The following DOCK8 variants were observed in gnomAD, a reference collection of about 807,000 sequenced individuals.
The protein encoded by DOCK8 is dedicator of cytokinesis protein 8.
In DOCK8, 141 loss-of-function variants were observed where a neutral mutation model predicts 245.6. The ratio of observed to expected loss-of-function variants is 0.57; its 90% CI spans 0.50 to 0.66. DOCK8 has a LOEUF of 0.66. Among genes scored for constraint, DOCK8 ranks in the 30% least tolerant of loss-of-function variants. The pLI, the probability that DOCK8 is intolerant of heterozygous loss-of-function variation, is 0.00. For synonymous variants in DOCK8, 1,168 were observed against 970.2 expected, an observed-to-expected ratio of 1.20 and a Z score of -3.79; for missense variants, 2,965 against 2,603.4, an observed-to-expected ratio of 1.14 and a Z score of -3.02.
At chr9:215,411 T>C (rs2046726451) in intron 1 of DOCK8, 1 of 1,532,262 alleles carries the variant, frequency 6.5e-7, no homozygotes, top group Non-Finnish European at 8.8e-7. Flanking sequence ...GGCTCCTTCC[T>C]TTGAGGCAAG....
intron 6 of DOCK8, 105 bp from the exon 7 acceptor site, chr9:316,938 G>A (rs1298090201): frequency 7.7e-6 from 7 of 909,324 alleles, no homozygotes; most frequent in Non-Finnish European, 9.1e-6. Context: ...GCAAATCTAA[G>A]TTAACTTGAG....
chr9:340,017 G>A (rs757087583), intron 13 of DOCK8, 142 bp from the exon 14 acceptor site: 1 of 821,732 alleles, frequency 1.2e-6, no homozygotes, highest in Non-Finnish European at 1.9e-6. Flanking sequence ...TTCTCAAGCT[G>A]TAGGAAATTA....
chr9:286,723 C>T, intron 3 of DOCK8, 87 bp downstream of exon 3: 1 of 1,273,438 alleles, frequency 7.9e-7, no homozygotes, highest in South Asian at 1.2e-5. Context: ...TCAATCTGAA[C>T]TTAAAAATAA....
At chr9:458,934 T>C (rs1373056038) in intron 46 of DOCK8, among the ~76,000 whole-genome samples, 1 of 152,188 alleles carries the variant, frequency 6.6e-6, no homozygotes, top group Non-Finnish European at 1.5e-5. Flanking sequence ...AAGCCAGGAA[T>C]CCTTTTCTGG....
intron 33 of DOCK8, among the ~76,000 whole-genome samples, chr9:425,748 C>T (rs1209293929): frequency 6.8e-6 from 1 of 146,908 alleles, no homozygotes; most frequent in Non-Finnish European, 1.5e-5. Flanking sequence ...TAGAGCAAGA[C>T]CCTGTCTCTA....
intron 26 of DOCK8, among the ~76,000 whole-genome samples, chr9:401,830 A>G (rs934619012): frequency 2.0e-5 from 3 of 152,168 alleles, no homozygotes; most frequent in Non-Finnish European, 4.4e-5. Flanking sequence ...ACGCAGTCTC[A>G]TCTAAGGGAA....
At chr9:325,354 C>T (rs1249953540) in intron 7 of DOCK8, among the ~76,000 whole-genome samples, 1 of 152,110 alleles carries the variant, frequency 6.6e-6, no homozygotes, top group Non-Finnish European at 1.5e-5. Flanking sequence ...ACAGTAGTTA[C>T]AATAAGAAGG....
At chr9:267,920 CCA>C (rs1232076464) in intron 1 of DOCK8, 1 of 152,050 alleles carries the variant, frequency 6.6e-6, no homozygotes, top group Non-Finnish European at 1.5e-5. Context: ...TGTATATTTC[CCA>C]AAGCGAGATA....
Position 422,155 on chromosome 9 carries a change from T to A in DOCK8, c.4241+20T>A, listed in dbSNP as rs777939854. The A allele has an allele frequency of 1.3e-4, 216 of 1,609,022 alleles. No homozygotes were observed. Among genetic ancestry groups the A allele is most frequent in the Non-Finnish European group, 1.7e-4 (203 of 1,175,556 alleles). ...AGATAAGTGAGTCACTCGGCAACTTTCTGCTACTTTTACCTAAAGTCCAAA... is the reference window on the plus strand; with the variant it reads ...AGATAAGTGAGTCACTCGGCAACTTACTGCTACTTTTACCTAAAGTCCAAA... On this transcript the variant is annotated intron_variant, in intron 33 of 47. Coordinates refer to ENST00000432829, the MANE Select transcript of DOCK8 (RefSeq NM_203447.4).
In DOCK8 at chr9:386,311, C is replaced by A. The variant is rs748695965; in HGVS notation, c.2779-20C>A. The A allele has an allele frequency of 1.5e-5, 24 of 1,608,678 alleles. No homozygotes were observed. Among genetic ancestry groups the A allele is most frequent in the Non-Finnish European group, 2.0e-5 (23 of 1,175,550 alleles). On this transcript the variant is annotated intron_variant, in intron 22 of 47. Transcript: ENST00000432829. ...TTTCCATGGTTGGTTGACTGTTAAGCCATGGTTTGTGTATTTTAGATCGCC... is the reference window on the plus strand; with the variant it reads ...TTTCCATGGTTGGTTGACTGTTAAGACATGGTTTGTGTATTTTAGATCGCC...
rs535777922 is a variant in DOCK8, at chr9:380,024, G to A, written c.2605+89G>A. 2.2e-5 allele frequency: 32 copies of A among 1,475,012 alleles called. No homozygotes were observed. In the South Asian group the frequency reaches 3.9e-4, roughly 18 times the overall value. 91.4% of individuals were successfully genotyped at this position (1,475,012 alleles called of 1,614,324 possible). ...TGTAATCCAAAATAAAACATCCTAT[G>A]CTGGGTGCAGGGGCTCACATCTGCA... On this transcript the variant is annotated intron_variant, in intron 21 of 47. Transcript: ENST00000432829.
chr9:291,466 A>C (rs992526080), intron 4 of DOCK8, among the ~76,000 whole-genome samples: 15 of 152,302 alleles, frequency 9.8e-5, no homozygotes, highest in Non-Finnish European at 2.1e-4. Context: ...ATAAGATTAT[A>C]ATATCATTTT....
Position 420,501 on chromosome 9 carries a change from A to G in DOCK8, c.3941A>G (p.Lys1314Arg). The change falls in exon 31 of 48, where the codon AAG becomes AGG. Residue 1314 changes from lysine to arginine, a missense_variant. Coordinates refer to ENST00000432829, the MANE Select transcript of DOCK8 (RefSeq NM_203447.4). ...MKNADQSLIR[K>R]WIADLPSTQL... ...AATGCTGATCAGAGCCTCATTAGGAAGTGGATTGCTGACCTGCCATCAACG... is the reference window on the plus strand; with the variant it reads ...AATGCTGATCAGAGCCTCATTAGGAGGTGGATTGCTGACCTGCCATCAACG... 6.2e-7 allele frequency: 1 copy of G among 1,614,138 alleles called. No homozygotes were observed. The highest frequency in any genetic ancestry group is 2.2e-5 in the East Asian group (1 of 44,886).
chr9:316,611 AT>A (rs1425550175), intron 6 of DOCK8, among the ~76,000 whole-genome samples: 1 of 152,226 alleles, frequency 6.6e-6, no homozygotes, highest in African/African-American at 2.4e-5. Context: ...TAAGTGAACC[AT>A]TCTGACTCAG....
At chr9:423,877 T>C (rs921411232) in intron 33 of DOCK8, among the ~76,000 whole-genome samples, 5 of 152,186 alleles carry the variant, frequency 3.3e-5, no homozygotes, top group Non-Finnish European at 7.3e-5. Flanking sequence ...CTGTTTTGCC[T>C]GGGCTGTGTA....
intron 2 of DOCK8, among the ~76,000 whole-genome samples, chr9:276,022 C>G (rs1354063295): frequency 1.3e-5 from 2 of 152,032 alleles, no homozygotes; most frequent in African/African-American, 4.8e-5. Context: ...TCCTGAGTAG[C>G]TGGGATTACA....
In DOCK8 at chr9:252,067, G is replaced by A. The variant is rs531322118; in HGVS notation, c.54-19560G>A. Among the ~76,000 whole-genome samples the A allele has an allele frequency of 2.5e-4, 37 of 148,886 alleles. No individual in the cohort carries two copies. The South Asian group carries it at 7.3e-3, about 29-fold the overall frequency. ...CGGCTCACTGCAACCTCTGCCACCT[G>A]GGTTCAAGTGATTCTCCTGCCTCAG... On this transcript the variant is annotated intron_variant, in intron 1 of 47. Transcript: ENST00000432829.
rs754347470 is a variant in DOCK8 at position 340,185 on chromosome 9, G to C, written c.1543G>C (p.Ala515Pro). ...PGLLRLEIST[A>P]PEIINCCLTP... The stretch of plus-strand genomic sequence containing the variant: ...CTTGCTAAGACTGGAGATTTCTACA[G>C]CTCCAGAGATCATCAATTGCTGTCT... The change falls in exon 14 of 48, where the codon GCT (alanine) becomes CCT (proline). Residue 515 changes from alanine to proline, a missense_variant. Around this residue, in one of 3 missense-constraint regions of DOCK8, gnomAD observed 2,825 missense variants for 2,453.5 expected, o/e 1.15. Coordinates refer to ENST00000432829, the MANE Select transcript of DOCK8 (RefSeq NM_203447.4). 2 of 1,614,098 alleles carry C rather than the reference G, an allele frequency of 1.2e-6. No homozygotes were observed. Among genetic ancestry groups the C allele is most frequent in the South Asian group, 2.2e-5 (2 of 91,080 alleles).
chr9:354,878 C>T (rs1344671097), intron 14 of DOCK8, among the ~76,000 whole-genome samples: 1 of 152,200 alleles, frequency 6.6e-6, no homozygotes, highest in Non-Finnish European at 1.5e-5. Flanking sequence ...ATCTCAAGAG[C>T]AGTACCTCAT....
Sources: gnomAD v4.1 joint callset for allele counts (sites outside exome capture counted in the v4.1 genomes callset) on GRCh38, gnomAD v4.1.1 for gene constraint, gnomAD v4.1.1 regional missense constraint, MANE v1.5 for transcripts, NCBI Gene and HGNC (gene_info 2026-07-23, HGNC 2026-07-21) for gene names.